ERC2: variants seen among roughly 807,000 people sequenced by gnomAD.
The protein encoded by ERC2 is ERC protein 2.
ERC2 carries 42 observed loss-of-function variants against 114.8 expected under a neutral mutation model. The observed-to-expected ratio is 0.37, with a 90% CI of 0.29 to 0.47. ERC2 has a LOEUF of 0.47. Ranked by LOEUF, ERC2 falls within the 20% of genes least tolerant of loss-of-function variation. The probability of loss-of-function intolerance (pLI) is 0.99; values close to 1 mark genes in which losing one functional copy is unlikely to be tolerated. For synonymous variants in ERC2, 454 were observed against 425.5 expected, an observed-to-expected ratio of 1.07 and a Z score of -0.82; for missense variants, 939 against 1,150.7, an observed-to-expected ratio of 0.82 and a Z score of 2.66.
intron 7 of ERC2, among the ~76,000 whole-genome samples, chr3:56,041,081 T>C (rs2149660736): frequency 6.6e-6 from 1 of 152,260 alleles, no homozygotes; most frequent in South Asian, 2.1e-4. Context: ...TGTCTTTTTC[T>C]CATCAAAATT....
At chr3:55,960,381 C>G (rs995957251) in intron 12 of ERC2, among the ~76,000 whole-genome samples, 6 of 152,112 alleles carry the variant, frequency 3.9e-5, no homozygotes, top group Non-Finnish European at 8.8e-5. Context: ...AGGCTATTTT[C>G]CCTGTCTGGG....
intron 13 of ERC2, among the ~76,000 whole-genome samples, chr3:55,889,070 C>T (rs2063491236): frequency 6.6e-6 from 1 of 152,156 alleles, no homozygotes; most frequent in Non-Finnish European, 1.5e-5. Context: ...GTGGCTTGAC[C>T]CAATTTCAAC....
At chr3:56,413,362 C>A (rs571600431) in intron 2 of ERC2, among the ~76,000 whole-genome samples, 1 of 152,324 alleles carries the variant, frequency 6.6e-6, no homozygotes, top group East Asian at 1.9e-4. Flanking sequence ...CACACTACAG[C>A]CTCCTCTCTT....
At chr3:56,465,051 T>G (rs1024330359) in intron 1 of ERC2, among the ~76,000 whole-genome samples, 1 of 152,188 alleles carries the variant, frequency 6.6e-6, no homozygotes, top group Non-Finnish European at 1.5e-5. Context: ...CCACTGAGTT[T>G]CACCAATGGG....
chr3:55,594,309 C>T (rs567796109), intron 17 of ERC2, among the ~76,000 whole-genome samples: 47 of 152,220 alleles, frequency 3.1e-4, no homozygotes, highest in Middle Eastern at 3.4e-3. Context: ...CTCAGAATAA[C>T]ACTGTTTAAC....
chr3:56,202,501 C>CCTTTT (rs1553875664), intron 3 of ERC2, among the ~76,000 whole-genome samples: 1 of 141,108 alleles, frequency 7.1e-6, no homozygotes, highest in Non-Finnish European at 1.5e-5. Flanking sequence ...TAAACTCAAG[C>CCTTTT]TTTTTTTTTT....
intron 5 of ERC2, 88 bp from the exon 6 acceptor site, chr3:56,139,764 G>T: frequency 7.2e-7 from 1 of 1,381,052 alleles, no homozygotes; most frequent in Non-Finnish European, 9.9e-7. Context: ...CTCCATTTCA[G>T]CAGCCAGTGA....
At chr3:55,647,084 G>A (rs2148667659) in intron 17 of ERC2, 1 of 152,130 alleles carries the variant, frequency 6.6e-6, no homozygotes, top group South Asian at 2.1e-4. Context: ...ACACATTTTT[G>A]TTACCCATCC....
At chr3:56,243,264 A>C (rs1434427306) in intron 3 of ERC2, among the ~76,000 whole-genome samples, 1 of 152,236 alleles carries the variant, frequency 6.6e-6, no homozygotes, top group Non-Finnish European at 1.5e-5. Context: ...AGGGCTACCA[A>C]GAAGAATTAG....
At chr3:55,901,061 C>T (rs137977645) in intron 13 of ERC2, among the ~76,000 whole-genome samples, 3 of 152,272 alleles carry the variant, frequency 2.0e-5, no homozygotes, top group African/African-American at 7.2e-5. Flanking sequence ...GACCACAAGA[C>T]CCTCAAGAGC....
chr3:56,001,108 G>A (rs2072018080), intron 10 of ERC2, among the ~76,000 whole-genome samples: 1 of 151,590 alleles, frequency 6.6e-6, no homozygotes, highest in African/African-American at 2.4e-5. Flanking sequence ...ACACAAGAGT[G>A]AGAGAAGGAA....
chr3:56,221,192 G>A (rs2049884364), intron 3 of ERC2, among the ~76,000 whole-genome samples: 1 of 151,780 alleles, frequency 6.6e-6, no homozygotes, highest in Non-Finnish European at 1.5e-5. Context: ...GATTTTTACA[G>A]CTATTACTAT....
intron 7 of ERC2, among the ~76,000 whole-genome samples, chr3:56,039,044 C>T (rs762882254): frequency 5.9e-5 from 9 of 152,082 alleles, no homozygotes; most frequent in East Asian, 1.9e-4. Flanking sequence ...TTATTGCCAT[C>T]GGGCAGACAG....
chr3:56,071,924 C>T (rs1045283898), intron 7 of ERC2, among the ~76,000 whole-genome samples: 6 of 152,178 alleles, frequency 3.9e-5, no homozygotes, highest in African/African-American at 9.7e-5. Context: ...CCAACAGTAT[C>T]GATCAATTGG....
At chr3:56,130,506 G>C (rs1434718766) in intron 6 of ERC2, among the ~76,000 whole-genome samples, 2 of 152,146 alleles carry the variant, frequency 1.3e-5, no homozygotes, top group East Asian at 1.9e-4. Context: ...TGTTTATAAA[G>C]TCAAAAGCAA....
chr3:55,987,368 T>C (rs1025067498), intron 11 of ERC2, among the ~76,000 whole-genome samples: 9 of 152,230 alleles, frequency 5.9e-5, no homozygotes, highest in African/African-American at 1.7e-4. Context: ...ATTTCAGATG[T>C]AGTTGCCTCT....
At chr3:56,112,379 G>A (rs971246798) in intron 6 of ERC2, among the ~76,000 whole-genome samples, 1 of 149,436 alleles carries the variant, frequency 6.7e-6, no homozygotes, top group African/African-American at 2.5e-5. Flanking sequence ...AGTAATCCTG[G>A]GCCATAGCAC....
chr3:56,334,840 T>C (rs2057780788), intron 2 of ERC2, among the ~76,000 whole-genome samples: 1 of 152,234 alleles, frequency 6.6e-6, no homozygotes, highest in Non-Finnish European at 1.5e-5. Context: ...AGTCTCACTC[T>C]GTCACCCAGG....
Position 56,434,760 on chromosome 3 carries a change from C to T in ERC2, c.248G>A (p.Gly83Glu). The T allele has an allele frequency of 1.2e-6, 2 of 1,614,002 alleles. No individual in the cohort carries two copies. Among genetic ancestry groups the T allele is most frequent in the Non-Finnish European group, 1.7e-6 (2 of 1,179,904 alleles). ...ATATACAGCTCGATTTGTAGCCCTT[C>T]CCAGAGTCATAGTGCCCTTTGGGTA... ...TTYPKGTMTL[G>E]RATNRAVYGG... The change falls in exon 2 of 18, where the codon GGA becomes GAA. Residue 83 changes from glycine (G) to glutamate (E), a missense_variant. By Grantham distance (98) the Gly-to-Glu change is moderately conservative (BLOSUM62 -2). Around this residue, in one of 5 missense-constraint regions of ERC2, gnomAD observed 281 missense variants for 307.4 expected, o/e 0.91. Coordinates refer to ENST00000288221, the MANE Select transcript of ERC2 (RefSeq NM_015576.3).
Sources: gnomAD v4.1 joint callset for allele counts (sites outside exome capture counted in the v4.1 genomes callset) on GRCh38, gnomAD v4.1.1 for gene constraint, gnomAD v4.1.1 regional missense constraint, MANE v1.5 for transcripts, NCBI Gene and HGNC (gene_info 2026-07-23, HGNC 2026-07-21) for gene names.